Variants in MAEA observed in about 807,000 individuals in gnomAD.
MAEA encodes the protein macrophage erythroblast attacher, E3 ubiquitin ligase.
Under a neutral mutation model 46.2 loss-of-function variants are expected in MAEA, and 22 were observed. The observed-to-expected ratio is 0.48, with a 90% confidence interval of 0.34 to 0.68. The LOEUF (loss-of-function observed/expected upper bound fraction) is 0.68. Among genes scored for constraint, MAEA ranks in the 30% least tolerant of loss-of-function variants. The pLI is 0.01. For synonymous variants in MAEA, 246 were observed against 222.6 expected, an observed-to-expected ratio of 1.11 and a Z score of -0.94; for missense variants, 393 against 558.1, an observed-to-expected ratio of 0.70 and a Z score of 2.98.
intron 1 of MAEA, among the ~76,000 whole-genome samples, chr4:1,302,535 A>G (rs1343463367): frequency 6.6e-6 from 1 of 152,228 alleles, no homozygotes; most frequent in Non-Finnish European, 1.5e-5. Context: ...AGTGCAGTAC[A>G]GTGGCGCCAT....
chr4:1,329,353 G>A (rs1187051288), intron 5 of MAEA: 2 of 985,456 alleles, frequency 2.0e-6, no homozygotes, highest in South Asian at 4.7e-5. Context: ...CCTGCTCTGG[G>A]TAGAATCTGC....
intron 5 of MAEA, chr4:1,330,274 GC>G: frequency 3.5e-6 from 1 of 287,804 alleles, no homozygotes; most frequent in Non-Finnish European, 4.7e-6. Flanking sequence ...CCTCAGCCTG[GC>G]CAGGCACAGT....
intron 1 of MAEA, chr4:1,298,025 G>T (rs1418704954): frequency 2.2e-6 from 1 of 456,276 alleles, no homozygotes. Context: ...CCTATCTGCT[G>T]AGGAACCCGG....
At chr4:1,294,967 G>A (rs949260276) in intron 1 of MAEA, among the ~76,000 whole-genome samples, 10 of 152,178 alleles carry the variant, frequency 6.6e-5, no homozygotes, top group Admixed American at 3.9e-4. Context: ...CAGGCACACA[G>A]CACCATTGGG....
At chr4:1,315,661 CCCTGTGGCATGTCCCCCGGCATG>C in intron 3 of MAEA, 61 bp downstream of exon 3, 1 of 1,550,686 alleles carries the variant, frequency 6.4e-7, no homozygotes, top group Non-Finnish European at 8.8e-7. Flanking sequence ...TGGCCAGCCG[CCCTGTGGCATGTCCCCCGGCATG>C]CCTGTGTCCC....
At chr4:1,293,019 G>A (rs1000176598) in intron 1 of MAEA, among the ~76,000 whole-genome samples, 3 of 150,634 alleles carry the variant, frequency 2.0e-5, no homozygotes, top group Admixed American at 6.6e-5. Context: ...TCAGCCTCCC[G>A]AGTAGCTGAG....
At chr4:1,325,356 G>A (rs560076352) in intron 4 of MAEA, among the ~76,000 whole-genome samples, 82 of 152,354 alleles carry the variant, frequency 5.4e-4, no homozygotes, top group African/African-American at 1.9e-3. Flanking sequence ...GTCGCAGGGC[G>A]GGCACAGCCT....
intron 3 of MAEA, among the ~76,000 whole-genome samples, chr4:1,318,835 G>T (rs1407996630): frequency 6.6e-6 from 1 of 152,156 alleles, no homozygotes; most frequent in Non-Finnish European, 1.5e-5. Flanking sequence ...AATTGGAGAC[G>T]TGACAAACTT....
chr4:1,332,619 G>A (rs995055522), intron 5 of MAEA, 138 bp from the exon 6 acceptor site: 6 of 603,784 alleles, frequency 9.9e-6, no homozygotes, highest in Admixed American at 3.0e-5. Flanking sequence ...CGGGAAGATC[G>A]CCTGAGCCTG....
At position 1,339,173 on chromosome 4, in the gene MAEA, C is replaced by A. The variant is rs200992261; in HGVS notation, c.*4C>A. 3.0e-5 allele frequency: 48 copies of A among 1,612,892 alleles called. No individual in the cohort carries two copies. Among genetic ancestry groups the A allele is most frequent in the Middle Eastern group, 3.3e-4 (2 of 6,080 alleles). On this transcript the variant is annotated 3_prime_UTR_variant, in exon 9 of 9. Coordinates refer to ENST00000303400, the MANE Select transcript of MAEA (RefSeq NM_001017405.3). ...CGAGAAGGTGTACATCATGTAGGCC[C>A]CACGTCGTGAAGCGCACGCCTCGGG...
chr4:1,291,216 G>A (rs1734075852), intron 1 of MAEA, among the ~76,000 whole-genome samples: 1 of 152,104 alleles, frequency 6.6e-6, no homozygotes, highest in South Asian at 2.1e-4. Flanking sequence ...GGGTGGTTTT[G>A]GATTCCAGGA....
At chr4:1,309,698 G>A in intron 1 of MAEA, 1 of 1,530,090 alleles carries the variant, frequency 6.5e-7, no homozygotes, top group Non-Finnish European at 8.7e-7. Context: ...CAGTTGTGAA[G>A]ACACCGTGGC....
chr4:1,328,134 C>T (rs563300481), intron 5 of MAEA, among the ~76,000 whole-genome samples: 6 of 152,318 alleles, frequency 3.9e-5, no homozygotes, highest in South Asian at 2.1e-4. Flanking sequence ...TCACAGTCAT[C>T]GGGGAATGTT....
At chr4:1,333,446 C>T (rs912698508) in intron 6 of MAEA, among the ~76,000 whole-genome samples, 7 of 152,182 alleles carry the variant, frequency 4.6e-5, no homozygotes, top group Middle Eastern at 3.2e-3. Context: ...CCTTTCTCTA[C>T]AGCCCCTGAG....
At chr4:1,318,740 A>T (rs545801951) in intron 3 of MAEA, among the ~76,000 whole-genome samples, 2 of 152,260 alleles carry the variant, frequency 1.3e-5, no homozygotes. Context: ...CGCTGGTCAG[A>T]CCTGGACTTC....
intron 1 of MAEA, among the ~76,000 whole-genome samples, chr4:1,297,330 G>A (rs574555875): frequency 2.1e-3 from 322 of 152,310 alleles, no homozygotes; most frequent in Non-Finnish European, 3.5e-3. Context: ...AATCAGTGCC[G>A]CCCTGCGTGG....
At chr4:1,328,742 C>T (rs946089395) in intron 5 of MAEA, 6 of 1,222,058 alleles carry the variant, frequency 4.9e-6, no homozygotes, top group Non-Finnish European at 6.3e-6. Flanking sequence ...CGCGGCAAGT[C>T]CCTGCCCTTG....
rs146661689 is a variant in MAEA at position 1,317,701 on chromosome 4, G to A, written c.456+2101G>A. 3.8e-3 allele frequency among the ~76,000 whole-genome samples: 575 copies of A among 152,342 alleles called. 3 individuals are homozygous for A. Among genetic ancestry groups the A allele is most frequent in the African/African-American group, 9.4e-3 (389 of 41,582 alleles). On this transcript the variant is annotated intron_variant, in intron 3 of 8. Coordinates refer to ENST00000303400, the MANE Select transcript of MAEA (RefSeq NM_001017405.3). ...GCTCTCGGCACCGCTGGGGTATGGC[G>A]TCTCGGTTCACAAGCGTGAATGTGA...
chr4:1,319,478 C>G (rs1468077310), intron 3 of MAEA, among the ~76,000 whole-genome samples: 1 of 152,190 alleles, frequency 6.6e-6, no homozygotes, highest in Non-Finnish European at 1.5e-5. Context: ...ATGTGACTCT[C>G]ACAACCGGAG....
Sources: allele counts gnomAD v4.1 joint callset (sites outside exome capture counted in the v4.1 genomes callset), GRCh38; gene constraint gnomAD v4.1.1; transcripts MANE v1.5; gene names NCBI Gene and HGNC (gene_info 2026-07-23, HGNC 2026-07-21).